The following AKAP9 variants were observed in gnomAD, a reference collection of about 807,000 sequenced individuals.
AKAP9 encodes A-kinase anchoring protein 9.
A neutral mutation model predicts 488.5 loss-of-function variants in AKAP9; 311 were observed. That is an observed-to-expected ratio of 0.64 (90% CI 0.58 to 0.70). The LOEUF (loss-of-function observed/expected upper bound fraction) is 0.70. Ranked by LOEUF, AKAP9 falls within the 30% of genes least tolerant of loss-of-function variation. AKAP9 has a pLI of 0.00. For synonymous variants in AKAP9, 1,462 were observed against 1,483.5 expected, an observed-to-expected ratio of 0.99 and a Z score of 0.33; for missense variants, 4,215 against 4,374.5, an observed-to-expected ratio of 0.96 and a Z score of 1.03.
Position 92,083,435 on chromosome 7 carries a change from A to C in AKAP9, c.8426A>C (p.Gln2809Pro). 6.2e-7 allele frequency: 1 copy of C among 1,614,110 alleles called. No homozygotes were observed. Among genetic ancestry groups the C allele is most frequent in the Non-Finnish European group, 8.5e-7 (1 of 1,179,984 alleles). Residue 2809 changes from glutamine (Q) to proline (P), a missense_variant, in exon 33 of 50, where the codon CAG (glutamine) becomes CCG (proline). Transcript: ENST00000356239. ...VKNAGIQINL[Q>P]SECSSEEVTE... ...AATGCAGGAATACAAATTAATTTAC[A>C]GAGTGAATGTTCCTCAGAAGAAGTT...
intron 18 of AKAP9, chr7:92,041,142 T>C (rs1806038059): frequency 2.2e-6 from 1 of 460,516 alleles, no homozygotes; most frequent in Non-Finnish European, 3.8e-6. Context: ...CTTTCTGTCA[T>C]TTTATTTAAC....
chr7:92,046,962 A>T (rs1311046999), intron 21 of AKAP9, among the ~76,000 whole-genome samples: 1 of 152,166 alleles, frequency 6.6e-6, no homozygotes, highest in Non-Finnish European at 1.5e-5. Context: ...ATACTTCTCA[A>T]CATGGCTGCC....
At chr7:92,007,309 T>C in intron 8 of AKAP9, among the ~76,000 whole-genome samples, 1 of 91,288 alleles carries the variant, frequency 1.1e-5, no homozygotes, top group African/African-American at 4.5e-5. Context: ...TTTTTTTTTT[T>C]TGAGACAGAG....
intron 47 of AKAP9, 98 bp from the exon 48 acceptor site, chr7:92,107,195 A>G (rs901758242): frequency 1.8e-6 from 2 of 1,138,988 alleles, no homozygotes; most frequent in Non-Finnish European, 2.6e-6. Context: ...TGTATAATAT[A>G]GTATAATAGT....
At chr7:92,021,236 A>G (rs1802278810) in intron 12 of AKAP9, among the ~76,000 whole-genome samples, 1 of 152,292 alleles carries the variant, frequency 6.6e-6, no homozygotes, top group South Asian at 2.1e-4. Flanking sequence ...GTCAAATTTT[A>G]TAGTTTAGCC....
At chr7:92,014,398 G>A (rs1730506640) in intron 10 of AKAP9, 70 bp downstream of exon 10, 1 of 1,128,192 alleles carries the variant, frequency 8.9e-7, no homozygotes, top group Non-Finnish European at 1.3e-6. Context: ...CACTTTGGGA[G>A]GCTGAGGTGG....
intron 1 of AKAP9, among the ~76,000 whole-genome samples, chr7:91,966,541 T>G (rs575377372): frequency 4.6e-5 from 7 of 152,370 alleles, no homozygotes; most frequent in Non-Finnish European, 8.8e-5. Context: ...TAAAATGTTT[T>G]GTAAATATCA....
chr7:92,069,532 A>T (rs924853358), intron 26 of AKAP9, among the ~76,000 whole-genome samples: 1 of 152,216 alleles, frequency 6.6e-6, no homozygotes, highest in African/African-American at 2.4e-5. Context: ...TTTAGAAAAA[A>T]ATTTTTGAAA....
intron 22 of AKAP9, chr7:92,058,304 G>C: frequency 1.7e-6 from 1 of 581,788 alleles, no homozygotes; most frequent in Non-Finnish European, 3.5e-6. Flanking sequence ...ACATTTGGAT[G>C]AAAATAACTC....
Position 92,096,606 on chromosome 7 carries a change from G to A in AKAP9, c.9730-83G>A, listed in dbSNP as rs1584540155. The stretch of plus-strand genomic sequence containing the variant: ...CCCGCCTCGGCCTCCCAAAGTGCTG[G>A]GATTACAGGCGTGAGCCACCACGCC... On this transcript the variant is annotated intron_variant, in intron 40 of 49. Coordinates refer to ENST00000356239, the MANE Select transcript of AKAP9 (RefSeq NM_005751.5). The A allele has an allele frequency of 3.9e-6, 6 of 1,534,452 alleles. No homozygotes were observed. The East Asian group carries it at 1.4e-4, about 36-fold the overall frequency.
At chr7:91,950,358 C>T (rs1031409317) in intron 1 of AKAP9, among the ~76,000 whole-genome samples, 1 of 151,786 alleles carries the variant, frequency 6.6e-6, no homozygotes, top group South Asian at 2.1e-4. Flanking sequence ...GCCTCCCCAG[C>T]AGCTGGGACC....
At position 92,007,617 on chromosome 7, in the gene AKAP9, G is replaced by T. The variant is rs576788899; in HGVS notation, c.3318+4382G>T. On this transcript the variant is annotated intron_variant, in intron 8 of 49. Coordinates refer to ENST00000356239, the MANE Select transcript of AKAP9 (RefSeq NM_005751.5). Reference sequence around the variant, plus strand: ...TTCTGAGTGGGAAAATTTGAATATCGTAAAAACCCAGGTTATCTCTAGATT... The same window carrying T: ...TTCTGAGTGGGAAAATTTGAATATCTTAAAAACCCAGGTTATCTCTAGATT... Among the ~76,000 whole-genome samples the T allele has an allele frequency of 1.3e-5, 2 of 152,262 alleles. 1 individual carries two copies. Among genetic ancestry groups the T allele is most frequent in the South Asian group, 4.1e-4 (2 of 4,830 alleles).
rs970047618 is a variant in AKAP9, at chr7:92,052,465, T to G, written c.5369-261T>G. Among the ~76,000 whole-genome samples, 30 of 127,880 alleles carry G rather than the reference T, an allele frequency of 2.3e-4. 1 individual carries two copies. Among genetic ancestry groups the G allele is most frequent in the Admixed American group, 2.1e-3 (27 of 13,162 alleles). 83.9% of individuals were successfully genotyped at this position (127,880 alleles called of 152,430 possible). On this transcript the variant is annotated intron_variant, in intron 21 of 49. Coordinates refer to ENST00000356239, the MANE Select transcript of AKAP9 (RefSeq NM_005751.5). ...TTCTGTTGAAAGGTATCTTAGAAGT[T>G]TTTATCAAAGAAAAAAATACTGAAT...
At chr7:91,972,072 C>A (rs1316693990) in intron 1 of AKAP9, among the ~76,000 whole-genome samples, 1 of 136,984 alleles carries the variant, frequency 7.3e-6, no homozygotes, top group Non-Finnish European at 1.5e-5. Flanking sequence ...CCCCAGTTTG[C>A]TTCAGTTCTA....
In AKAP9 at chr7:92,052,825, A is replaced by T. The variant is rs147772200; in HGVS notation, c.5468A>T (p.Gln1823Leu). Residue 1823 changes from glutamine to leucine, a missense_variant, in exon 22 of 50, where the codon CAA becomes CTA. Around this residue, in one of 5 missense-constraint regions of AKAP9, gnomAD observed 2,361 missense variants for 2,430.0 expected, o/e 0.97. Coordinates refer to ENST00000356239, the MANE Select transcript of AKAP9 (RefSeq NM_005751.5). ...ACTGAGGAAGGAACAGAGCTGTCAC[A>T]ACGACTTGTGAGGAGTGGTTTTGCT... Reference protein sequence around the residue: ...KVTEEGTELSQRLVRSGFAGT... With the variant: ...KVTEEGTELSLRLVRSGFAGT... The T allele has an allele frequency of 5.1e-5, 82 of 1,613,792 alleles. No individual in the cohort carries two copies. Among genetic ancestry groups the T allele is most frequent in the Middle Eastern group, 1.6e-4 (1 of 6,082 alleles).
intron 1 of AKAP9, among the ~76,000 whole-genome samples, chr7:91,972,499 C>A (rs2130558175): frequency 6.6e-6 from 1 of 152,312 alleles, no homozygotes; most frequent in African/African-American, 2.4e-5. Context: ...GAATGGGAAT[C>A]ATGAAAATCA....
At chr7:92,091,784 C>G (rs1210873894) in intron 38 of AKAP9, among the ~76,000 whole-genome samples, 2 of 151,906 alleles carry the variant, frequency 1.3e-5, no homozygotes, top group Non-Finnish European at 2.9e-5. Context: ...AATAGAACAC[C>G]ATTGAAAGCT....
chr7:91,974,913 T>C (rs10226078), intron 2 of AKAP9, among the ~76,000 whole-genome samples: 62,667 of 151,512 alleles, frequency 0.41, 13,411 homozygotes, highest in African/African-American at 0.51. Context: ...TGCAGTGGCA[T>C]GATCTTGGCT....
chr7:92,061,803 T>C (rs930708261), intron 23 of AKAP9, among the ~76,000 whole-genome samples: 8 of 151,844 alleles, frequency 5.3e-5, no homozygotes, highest in Admixed American at 2.6e-4. Context: ...CATTACATAG[T>C]GATTCCAGGC....
Sources: gnomAD v4.1 joint callset for allele counts (sites outside exome capture counted in the v4.1 genomes callset) on GRCh38, gnomAD v4.1.1 for gene constraint, gnomAD v4.1.1 regional missense constraint, MANE v1.5 for transcripts, NCBI Gene and HGNC (gene_info 2026-07-23, HGNC 2026-07-21) for gene names.